SORCS1: variants seen among roughly 807,000 people sequenced by gnomAD.
SORCS1 encodes the protein VPS10 domain-containing receptor SorCS1.
A neutral mutation model predicts 146.1 loss-of-function variants in SORCS1; 60 were observed. The observed-to-expected ratio is 0.41, with a 90% CI of 0.33 to 0.51. The LOEUF is 0.51. Ranked by LOEUF, SORCS1 falls within the 20% of genes least tolerant of loss-of-function variation. SORCS1 has a pLI of 0.21. For synonymous variants in SORCS1, 637 were observed against 584.0 expected (o/e 1.09, Z -1.31); for missense variants, 1,352 against 1,487.6 (o/e 0.91, Z 1.50).
chr10:107,012,361 G>GA (rs903725033), intron 1 of SORCS1, among the ~76,000 whole-genome samples: 4 of 151,962 alleles, frequency 2.6e-5, no homozygotes, highest in African/African-American at 7.3e-5. Context: ...CAGGCTTGAG[G>GA]AAAAAAAATT....
intron 2 of SORCS1, among the ~76,000 whole-genome samples, chr10:106,916,427 C>T (rs967332100): frequency 1.3e-5 from 2 of 149,672 alleles, no homozygotes; most frequent in African/African-American, 4.9e-5. Flanking sequence ...TGGGGGTATA[C>T]ACATACACAC....
chr10:107,154,934 G>A (rs1479158391), intron 1 of SORCS1, among the ~76,000 whole-genome samples: 1 of 152,106 alleles, frequency 6.6e-6, no homozygotes, highest in Non-Finnish European at 1.5e-5. Context: ...TTACAGATGA[G>A]GGAACTAAAG....
At chr10:107,092,395 T>C (rs1393285925) in intron 1 of SORCS1, among the ~76,000 whole-genome samples, 1 of 152,200 alleles carries the variant, frequency 6.6e-6, no homozygotes, top group Non-Finnish European at 1.5e-5. Context: ...CTGAGTAGTA[T>C]TGAGGGATAA....
chr10:106,910,970 G>C (rs1319750204), intron 2 of SORCS1, among the ~76,000 whole-genome samples: 1 of 152,148 alleles, frequency 6.6e-6, no homozygotes, highest in Non-Finnish European at 1.5e-5. Context: ...CCTGGATTTG[G>C]AAGCAGAATA....
intron 2 of SORCS1, among the ~76,000 whole-genome samples, chr10:106,872,362 A>T (rs1191024284): frequency 1.3e-5 from 2 of 152,230 alleles, no homozygotes; most frequent in Non-Finnish European, 2.9e-5. Flanking sequence ...GGTGGTGAGC[A>T]TATTTGAGGC....
chr10:106,614,490 C>T (rs1200711093), intron 21 of SORCS1, among the ~76,000 whole-genome samples: 1 of 152,144 alleles, frequency 6.6e-6, no homozygotes, highest in Non-Finnish European at 1.5e-5. Flanking sequence ...CACTGGTCAC[C>T]TATGTGAATA....
At chr10:107,086,343 G>A (rs1016160144) in intron 1 of SORCS1, among the ~76,000 whole-genome samples, 13 of 152,002 alleles carry the variant, frequency 8.6e-5, no homozygotes, top group South Asian at 2.1e-4. Flanking sequence ...GGTTGGGGGC[G>A]GATACCTAAC....
intron 5 of SORCS1, among the ~76,000 whole-genome samples, chr10:106,736,500 G>C (rs984771536): frequency 4.4e-4 from 66 of 151,384 alleles, no homozygotes; most frequent in African/African-American, 1.6e-3. Context: ...GGCAGGTATT[G>C]GCAGTGACAT....
intron 2 of SORCS1, among the ~76,000 whole-genome samples, chr10:106,849,636 T>C (rs11193073): frequency 0.019 from 2,797 of 147,390 alleles, 89 homozygotes; most frequent in East Asian, 0.14. Flanking sequence ...TGAGGAACTG[T>C]GTTCCTTTGG....
intron 1 of SORCS1, among the ~76,000 whole-genome samples, chr10:107,034,101 G>C (rs922098574): frequency 6.6e-6 from 1 of 152,218 alleles, no homozygotes; most frequent in Non-Finnish European, 1.5e-5. Flanking sequence ...GGAGAGAACA[G>C]AGATAGGCTG....
chr10:106,894,324 G>C (rs1951377318), intron 2 of SORCS1, among the ~76,000 whole-genome samples: 1 of 151,234 alleles, frequency 6.6e-6, no homozygotes, highest in Non-Finnish European at 1.5e-5. Flanking sequence ...GAATAGAAAG[G>C]CCTCTGTGGT....
At chr10:107,065,468 C>T (rs1434734926) in intron 1 of SORCS1, among the ~76,000 whole-genome samples, 1,035 of 52,214 alleles carry the variant, frequency 0.02, 25 homozygotes, top group African/African-American at 0.076. Flanking sequence ...TTCTCTCTCC[C>T]TCTCCTCTCC....
At chr10:107,066,001 T>C (rs943371161) in intron 1 of SORCS1, among the ~76,000 whole-genome samples, 2 of 152,194 alleles carry the variant, frequency 1.3e-5, no homozygotes, top group Admixed American at 1.3e-4. Context: ...TACCTTCTCA[T>C]TCTAATAAAA....
At chr10:106,617,505 A>AT (rs11352515) in intron 21 of SORCS1, among the ~76,000 whole-genome samples, 5 of 151,886 alleles carry the variant, frequency 3.3e-5, no homozygotes, top group Admixed American at 1.3e-4. Context: ...TCCATCAAGT[A>AT]TTTTTTTTAT....
At chr10:106,978,361 T>C (rs1457215025) in intron 1 of SORCS1, among the ~76,000 whole-genome samples, 2 of 152,154 alleles carry the variant, frequency 1.3e-5, no homozygotes, top group African/African-American at 4.8e-5. Context: ...AAGAAATCCC[T>C]AGGAGTCTTT....
At chr10:106,734,108 A>T (rs1195448367) in intron 5 of SORCS1, among the ~76,000 whole-genome samples, 2 of 152,144 alleles carry the variant, frequency 1.3e-5, no homozygotes, top group Admixed American at 6.5e-5. Context: ...TATGATAAAA[A>T]TTTTGTCTAG....
intron 2 of SORCS1, among the ~76,000 whole-genome samples, chr10:106,840,850 T>G (rs1409235208): frequency 1.9e-5 from 2 of 106,554 alleles, no homozygotes; most frequent in Non-Finnish European, 3.9e-5. Context: ...ATTATATATA[T>G]ATATATATAT....
At chr10:107,058,669 G>A (rs1960880973) in intron 1 of SORCS1, among the ~76,000 whole-genome samples, 1 of 152,086 alleles carries the variant, frequency 6.6e-6, no homozygotes, top group African/African-American at 2.4e-5. Context: ...TCAGTAAAAT[G>A]GGACAATAAT....
intron 22 of SORCS1, among the ~76,000 whole-genome samples, chr10:106,611,057 G>GT (rs1424348349): frequency 1.4e-4 from 22 of 152,204 alleles, no homozygotes; most frequent in Admixed American, 5.2e-4. Flanking sequence ...TCCAGCCTGG[G>GT]TGACAGAGTG....
Sources: allele counts gnomAD v4.1 joint callset (sites outside exome capture counted in the v4.1 genomes callset), GRCh38; gene constraint gnomAD v4.1.1; transcripts MANE v1.5; gene names NCBI Gene and HGNC (gene_info 2026-07-23, HGNC 2026-07-21).